CYRIB: variants seen among roughly 807,000 people sequenced by gnomAD.
CYRIB encodes the protein CYFIP related Rac1 interactor B.
Under a neutral mutation model 44.2 loss-of-function variants are expected in CYRIB, and 8 were observed. That is an observed-to-expected ratio of 0.18 (90% CI 0.11 to 0.33). CYRIB has a LOEUF of 0.33. Among genes scored for constraint, CYRIB ranks in the 10% least tolerant of loss-of-function variants. CYRIB has a pLI of 1.00. For missense variants in CYRIB, 185 were observed against 382.8 expected (o/e 0.48, Z 4.31); for synonymous variants, 131 against 127.2 (o/e 1.03, Z -0.20).
At chr8:129,928,838 T>A (rs1172719331) in intron 1 of CYRIB, among the ~76,000 whole-genome samples, 2 of 152,200 alleles carry the variant, frequency 1.3e-5, no homozygotes, top group African/African-American at 2.4e-5. Context: ...GAAATCCTCA[T>A]ACACTACTGG....
intron 1 of CYRIB, among the ~76,000 whole-genome samples, chr8:129,918,948 T>G (rs2082131560): frequency 1.3e-5 from 2 of 152,246 alleles, no homozygotes; most frequent in African/African-American, 4.8e-5. Context: ...TAATTTCTCC[T>G]ATTAAAAATT....
intron 1 of CYRIB, among the ~76,000 whole-genome samples, chr8:129,932,870 C>A (rs1249607261): frequency 6.6e-6 from 1 of 152,096 alleles, no homozygotes; most frequent in African/African-American, 2.4e-5. Context: ...AATAAAGACT[C>A]CCCCACCTGT....
intron 2 of CYRIB, among the ~76,000 whole-genome samples, chr8:129,886,566 C>T (rs1383194687): frequency 1.3e-5 from 2 of 152,156 alleles, no homozygotes; most frequent in African/African-American, 2.4e-5. Context: ...TAACACTCAG[C>T]ATCTTTTGTT....
intron 3 of CYRIB, among the ~76,000 whole-genome samples, chr8:129,878,377 G>A (rs2059841826): frequency 6.6e-6 from 1 of 152,182 alleles, no homozygotes; most frequent in African/African-American, 2.4e-5. Flanking sequence ...ACATAAAATT[G>A]TAAAAACTAA....
At chr8:129,960,646 CAAGAAAA>C (rs2095191895) in intron 2 of CYRIB, among the ~76,000 whole-genome samples, 1 of 71,258 alleles carries the variant, frequency 1.4e-5, no homozygotes. Flanking sequence ...GACTCTGTCT[CAAGAAAA>C]AAAAAAAAAA....
intron 2 of CYRIB, among the ~76,000 whole-genome samples, chr8:129,964,556 T>C (rs541733024): frequency 1.3e-5 from 2 of 152,254 alleles, no homozygotes; most frequent in South Asian, 4.2e-4. Context: ...CCACAGGACT[T>C]TGCACAACAA....
At chr8:129,996,136 T>C (rs2096759375) in intron 1 of CYRIB, among the ~76,000 whole-genome samples, 1 of 152,212 alleles carries the variant, frequency 6.6e-6, no homozygotes, top group Non-Finnish European at 1.5e-5. Flanking sequence ...CATTCATTCA[T>C]TGAACACCAA....
intron 2 of CYRIB, among the ~76,000 whole-genome samples, chr8:129,882,479 A>G (rs547692485): frequency 2.6e-5 from 4 of 152,292 alleles, no homozygotes; most frequent in African/African-American, 9.6e-5. Context: ...TAATGGCTCT[A>G]TTTCTTTTAA....
chr8:129,899,485 G>C (rs896500420), intron 2 of CYRIB, among the ~76,000 whole-genome samples: 9 of 152,138 alleles, frequency 5.9e-5, no homozygotes, highest in African/African-American at 2.2e-4. Flanking sequence ...AACTAAGTAT[G>C]CCATTAATTA....
At chr8:129,943,966 G>A (rs926086405), upstream of CYRIB, among the ~76,000 whole-genome samples, 2 of 150,932 alleles carry the variant, frequency 1.3e-5, no homozygotes, top group Non-Finnish European at 3.0e-5. Flanking sequence ...TTTAAGGGAA[G>A]GGGAAAGGGC....
chr8:129,911,561 C>T (rs749829800), intron 1 of CYRIB, among the ~76,000 whole-genome samples: 78 of 151,842 alleles, frequency 5.1e-4, no homozygotes, highest in African/African-American at 1.8e-3. Flanking sequence ...CAGCACTTTG[C>T]GAGGCCAAGG....
intron 5 of CYRIB, among the ~76,000 whole-genome samples, chr8:129,857,369 G>C (rs1231754311): frequency 6.6e-6 from 1 of 152,186 alleles, no homozygotes; most frequent in Non-Finnish European, 1.5e-5. Flanking sequence ...TATGTAGTAA[G>C]GATGAACATG....
intron 2 of CYRIB, among the ~76,000 whole-genome samples, chr8:129,881,896 TA>T (rs1564566554): frequency 6.6e-6 from 1 of 152,210 alleles, no homozygotes. Flanking sequence ...AAGGAAAAGA[TA>T]AACATTTTTC....
chr8:130,011,976 A>G (rs2097232890), intron 1 of CYRIB, among the ~76,000 whole-genome samples: 1 of 152,100 alleles, frequency 6.6e-6, no homozygotes, highest in Non-Finnish European at 1.5e-5. Context: ...TCTACTCTTG[A>G]CATTTATTCA....
chr8:129,879,379 AT>A lies in CYRIB; in HGVS notation c.73+9del. On this transcript the variant is annotated intron_variant, in intron 3 of 11. Transcript: ENST00000519824. ...GGCAAAGAGAAATAGATATAAAATCATCTTCTCACTTTCAAAATCAAGGAAA... is the reference window on the plus strand; with the variant it reads ...GGCAAAGAGAAATAGATATAAAATCACTTCTCACTTTCAAAATCAAGGAAA... 1 of 1,587,860 alleles carries A rather than the reference AT, an allele frequency of 6.3e-7. No homozygotes were observed. The highest frequency in any genetic ancestry group is 8.6e-7 in the Non-Finnish European group (1 of 1,158,206).
intron 1 of CYRIB, among the ~76,000 whole-genome samples, chr8:129,982,027 A>T (rs902027703): frequency 6.6e-6 from 1 of 152,232 alleles, no homozygotes; most frequent in African/African-American, 2.4e-5. Context: ...CATCACATGG[A>T]TACTGTGTGT....
intron 1 of CYRIB, among the ~76,000 whole-genome samples, chr8:129,981,621 G>A (rs1162442042): frequency 6.6e-6 from 1 of 152,172 alleles, no homozygotes; most frequent in East Asian, 1.9e-4. Context: ...TGTGACATTT[G>A]CAGAGATAGA....
At chr8:130,006,651 CATATATATATGT>C (rs1355489098) in intron 1 of CYRIB, among the ~76,000 whole-genome samples, 26 of 100,098 alleles carry the variant, frequency 2.6e-4, no homozygotes, top group Non-Finnish European at 3.3e-4. Context: ...TATATATATA[CATATATATATGT>C]ATATATATAT....
At chr8:129,932,601 C>T (rs576869725) in intron 1 of CYRIB, among the ~76,000 whole-genome samples, 2 of 152,246 alleles carry the variant, frequency 1.3e-5, no homozygotes, top group Admixed American at 6.5e-5. Context: ...TAATAATCTG[C>T]CCTTGATCTT....
Sources: allele counts gnomAD v4.1 joint callset (sites outside exome capture counted in the v4.1 genomes callset), GRCh38; gene constraint gnomAD v4.1.1; transcripts MANE v1.5; gene names NCBI Gene and HGNC (gene_info 2026-07-23, HGNC 2026-07-21).